The following INO80 variants were observed in gnomAD, a reference collection of about 807,000 sequenced individuals.
The protein encoded by INO80 is INO80 complex ATPase subunit.
INO80 carries 20 observed loss-of-function variants against 203.4 expected under a neutral mutation model. The ratio of observed to expected loss-of-function variants is 0.10; its 90% confidence interval spans 0.07 to 0.14. The LOEUF (loss-of-function observed/expected upper bound fraction) is 0.14. INO80 is among the 10% of genes least tolerant of loss of function. The pLI is 1.00. For missense variants in INO80, 1,419 were observed against 1,914.4 expected, an observed-to-expected ratio of 0.74 and a Z score of 4.83; for synonymous variants, 726 against 685.2, an observed-to-expected ratio of 1.06 and a Z score of -0.93.
At chr15:41,053,543 TA>T (rs944014433) in intron 19 of INO80, among the ~76,000 whole-genome samples, 2 of 152,182 alleles carry the variant, frequency 1.3e-5, no homozygotes, top group Non-Finnish European at 2.9e-5. Flanking sequence ...AGGCAGTGTT[TA>T]AAAAAACCAA....
In INO80 at chr15:41,041,431, CT is replaced by C. The variant is rs201157790; in HGVS notation, c.2907+3472del. On this transcript the variant is annotated intron_variant, in intron 24 of 35. Transcript: ENST00000648947. ...ATTGTTACACCTGGAGCTTCTAGTT[CT>C]TTTTTTTTTTTTTCTTTCTTTTTTT... is the stretch of plus-strand genomic sequence containing the variant. 7.9e-3 allele frequency among the ~76,000 whole-genome samples: 1,113 copies of C among 141,436 alleles called. 7 individuals carry two copies. Among genetic ancestry groups the C allele is most frequent in the African/African-American group, 0.022 (851 of 39,172 alleles). The allele number at this position is 141,436 out of a possible 152,430, so 92.8% of individuals were successfully genotyped here. A position where few individuals can be genotyped will look rare whatever the true frequency, so the allele number is the denominator to read the frequency against.
intron 1 of INO80, among the ~76,000 whole-genome samples, chr15:41,115,474 G>C (rs1387612465): frequency 6.6e-6 from 1 of 152,198 alleles, no homozygotes; most frequent in Non-Finnish European, 1.5e-5. Context: ...CCAGCCAGCA[G>C]CGTGCACCAT....
chr15:41,011,147 A>G (rs1359264355), intron 27 of INO80, among the ~76,000 whole-genome samples: 2 of 152,104 alleles, frequency 1.3e-5, no homozygotes, highest in African/African-American at 2.4e-5. Context: ...GTACCTTTCT[A>G]TCTCTCTTTT....
intron 24 of INO80, among the ~76,000 whole-genome samples, chr15:41,039,181 T>C (rs2044629648): frequency 6.6e-6 from 1 of 152,216 alleles, no homozygotes; most frequent in Non-Finnish European, 1.5e-5. Context: ...TCTCACTATG[T>C]TGCCCAGGCT....
chr15:41,004,712 C>T (rs557062185), intron 28 of INO80: 1 of 152,270 alleles, frequency 6.6e-6, no homozygotes, highest in Non-Finnish European at 1.5e-5. Context: ...TTCATAGGCT[C>T]ATTAGCAGGT....
At chr15:41,035,126 T>C (rs1012353461) in intron 24 of INO80, among the ~76,000 whole-genome samples, 1 of 152,226 alleles carries the variant, frequency 6.6e-6, no homozygotes, top group African/African-American at 2.4e-5. Context: ...AAATCCTTTC[T>C]AGTTGAAAAA....
chr15:41,015,203 C>A (rs1477170279), intron 27 of INO80, among the ~76,000 whole-genome samples: 1 of 152,204 alleles, frequency 6.6e-6, no homozygotes, highest in Admixed American at 6.5e-5. Flanking sequence ...ACAGTCATAT[C>A]TTTTCCACTA....
chr15:41,026,908 T>C (rs936703663), intron 25 of INO80, among the ~76,000 whole-genome samples: 1 of 152,206 alleles, frequency 6.6e-6, no homozygotes, highest in Non-Finnish European at 1.5e-5. Flanking sequence ...TTGTCAGCAA[T>C]GGCAAGAGGG....
intron 24 of INO80, among the ~76,000 whole-genome samples, chr15:41,040,183 CA>C (rs35355682): frequency 4.7e-5 from 7 of 148,348 alleles, no homozygotes; most frequent in East Asian, 2.0e-4. Context: ...CTGCTGCTAC[CA>C]AAAAAAAAGG....
At chr15:41,065,032 CT>C (rs1221164537) in intron 14 of INO80, among the ~76,000 whole-genome samples, 18 of 151,980 alleles carry the variant, frequency 1.2e-4, no homozygotes, top group African/African-American at 4.4e-4. Flanking sequence ...CAGTGTGGGG[CT>C]GTGTTCCAAT....
chr15:41,037,678 C>A (rs1037894699), intron 24 of INO80, among the ~76,000 whole-genome samples: 2 of 152,000 alleles, frequency 1.3e-5, no homozygotes, highest in African/African-American at 4.8e-5. Context: ...TGTGGTGGCT[C>A]ACGCCTGTAA....
At chr15:41,056,842 T>C (rs763476742) in intron 16 of INO80, 136 bp from the exon 17 acceptor site, 6 of 654,782 alleles carry the variant, frequency 9.2e-6, no homozygotes, top group Non-Finnish European at 1.6e-5. Context: ...TGTATTCAAC[T>C]GAAAAACATT....
intron 2 of INO80, 69 bp from the exon 3 acceptor site, chr15:41,095,997 A>G: frequency 1.4e-6 from 2 of 1,480,692 alleles, no homozygotes; most frequent in Non-Finnish European, 1.8e-6. Flanking sequence ...TTAGAACTGG[A>G]CACTTTACAG....
intron 16 of INO80, among the ~76,000 whole-genome samples, chr15:41,057,579 C>A (rs969085778): frequency 1.3e-5 from 2 of 151,714 alleles, no homozygotes; most frequent in Non-Finnish European, 2.9e-5. Context: ...GGTGGATAAC[C>A]TGAGGTCAGG....
At chr15:41,066,914 C>T (rs77786691) in intron 14 of INO80, among the ~76,000 whole-genome samples, 2,963 of 149,654 alleles carry the variant, frequency 0.02, 37 homozygotes, top group Non-Finnish European at 0.031. Flanking sequence ...ATTAGGATAT[C>T]GAAAGAAAGT....
At chr15:41,007,182 CTTT>C (rs11330780) in intron 27 of INO80, among the ~76,000 whole-genome samples, 4,023 of 119,086 alleles carry the variant, frequency 0.034, 185 homozygotes, top group African/African-American at 0.13. Context: ...TTTTTTTTTT[CTTT>C]TTTTTTTTTT....
Position 41,070,089 on chromosome 15 carries a change from G to A in INO80, c.1686+378C>T, listed in dbSNP as rs146087244. ...TAACGTCTCCATAGAAGAGGAAGAGGAAGAGGAAACTAAGCCTCAGAGAGT... is the reference window on the plus strand; with the variant it reads ...TAACGTCTCCATAGAAGAGGAAGAGAAAGAGGAAACTAAGCCTCAGAGAGT... On this transcript the variant is annotated intron_variant, in intron 13 of 35. Coordinates refer to ENST00000648947, the MANE Select transcript of INO80 (RefSeq NM_017553.3). Among the ~76,000 whole-genome samples, 339 of 152,252 alleles carry A rather than the reference G, an allele frequency of 2.2e-3. 3 individuals carry two copies. The highest frequency in any genetic ancestry group is 7.9e-3 in the African/African-American group (327 of 41,544).
At chr15:41,047,818 G>A (rs560336145) in intron 22 of INO80, among the ~76,000 whole-genome samples, 2 of 152,296 alleles carry the variant, frequency 1.3e-5, no homozygotes, top group Non-Finnish European at 2.9e-5. Context: ...CAGGACAGAG[G>A]TGAAAGGTTC....
chr15:41,062,007 T>C (rs1033769257), intron 14 of INO80, among the ~76,000 whole-genome samples: 5 of 152,170 alleles, frequency 3.3e-5, no homozygotes, highest in South Asian at 2.1e-4. Flanking sequence ...CTATCTTTTG[T>C]TGTTCTGAAA....
Sources: allele counts gnomAD v4.1 joint callset (sites outside exome capture counted in the v4.1 genomes callset), GRCh38; gene constraint gnomAD v4.1.1; transcripts MANE v1.5; gene names NCBI Gene and HGNC (gene_info 2026-07-23, HGNC 2026-07-21).